NRG2: variants seen among roughly 807,000 people sequenced by gnomAD.
NRG2 encodes pro-neuregulin-2, membrane-bound isoform.
NRG2 carries 27 observed loss-of-function variants against 73.9 expected under a neutral mutation model. The ratio of observed to expected loss-of-function variants is 0.37; its 90% CI spans 0.27 to 0.50. NRG2 has a LOEUF of 0.50. NRG2 is among the 20% of genes least tolerant of loss of function. NRG2 has a pLI of 0.96. For synonymous variants in NRG2, 532 were observed against 541.0 expected (o/e 0.98, Z 0.23); for missense variants, 1,126 against 1,210.1 (o/e 0.93, Z 1.03).
rs1761575868 is a variant in NRG2 at position 139,853,139 on chromosome 5, G to A, written c.1293-112C>T. On this transcript the variant is annotated intron_variant, in intron 6 of 9. Coordinates refer to ENST00000361474, the MANE Select transcript of NRG2 (RefSeq NM_004883.3). The surrounding 1 kb of genome is among the most constrained non-coding windows in gnomAD (Gnocchi z 4.1). ...TTTCCTCCTGCCCAGGGTGGCCATG[G>A]CTACTGCTCGTCCCTGTACTCAAGC... 1 of 1,434,454 alleles carries A rather than the reference G, an allele frequency of 7.0e-7. No individual in the cohort carries two copies. Among genetic ancestry groups the A allele is most frequent in the Admixed American group, 1.9e-5 (1 of 51,642 alleles). The allele number at this position is 1,434,454 out of a possible 1,614,324, so 88.9% of individuals were successfully genotyped here.
Position 139,880,890 on chromosome 5 carries a change from C to T in NRG2, c.957G>A (p.Lys319=). 1 of 1,614,184 alleles carries T rather than the reference C, an allele frequency of 6.2e-7. No individual in the cohort carries two copies. The highest frequency in any genetic ancestry group is 8.5e-7 in the Non-Finnish European group (1 of 1,180,000). Residue 319 remains lysine, a synonymous_variant, in exon 3 of 10, where the codon AAG becomes AAA. Transcript: ENST00000361474. The part of the protein sequence containing the change: ...YVCEAENILG[K]DTVRGRLYVN... Reference sequence around the variant, plus strand: ...CGTAAAGCCGGCCCCGGACGGTGTCCTTCCCCAGGATGTTCTCGGCCTCGC... The same window carrying T: ...CGTAAAGCCGGCCCCGGACGGTGTCTTTCCCCAGGATGTTCTCGGCCTCGC...
At position 139,925,798 on chromosome 5, in the gene NRG2, T is replaced by C. The variant is rs374208835; in HGVS notation, c.701-38287A>G. Among the ~76,000 whole-genome samples the C allele has an allele frequency of 1.6e-4, 25 of 152,232 alleles. 1 individual carries two copies. In the South Asian group the frequency reaches 5.2e-3, roughly 32 times the overall value. On this transcript the variant is annotated intron_variant, in intron 1 of 9. Transcript: ENST00000361474. Reference sequence around the variant, plus strand: ...GAGGACCCCTGCAGGGATGGGGAGCTTGAAGGAAGATGTTGGCACTCTTTT... The same window carrying C: ...GAGGACCCCTGCAGGGATGGGGAGCCTGAAGGAAGATGTTGGCACTCTTTT...
intron 4 of NRG2, among the ~76,000 whole-genome samples, chr5:139,871,371 GA>G (rs1762840214): frequency 6.6e-6 from 1 of 152,184 alleles, no homozygotes; most frequent in Non-Finnish European, 1.5e-5. Flanking sequence ...GGGGGAAAGA[GA>G]GACTGAGGGA....
intron 1 of NRG2, among the ~76,000 whole-genome samples, chr5:140,002,215 G>A (rs1745816138): frequency 6.6e-6 from 1 of 152,082 alleles, no homozygotes; most frequent in Non-Finnish European, 1.5e-5. Context: ...ATAAATATTA[G>A]AGCTGTGACA....
intron 1 of NRG2, among the ~76,000 whole-genome samples, chr5:139,913,301 G>A (rs1013513661): frequency 5.3e-5 from 8 of 152,186 alleles, no homozygotes; most frequent in Admixed American, 2.0e-4. Context: ...CAGTCACTGA[G>A]GCTTCTGATG....
chr5:139,927,027 A>C lies in NRG2; in HGVS notation c.701-39516T>G, dbSNP rs143959882. 4.0e-3 allele frequency among the ~76,000 whole-genome samples: 613 copies of C among 152,324 alleles called. 3 individuals are homozygous for C. Among genetic ancestry groups the C allele is most frequent in the African/African-American group, 0.014 (602 of 41,572 alleles). On this transcript the variant is annotated intron_variant, in intron 1 of 9. Coordinates refer to ENST00000361474, the MANE Select transcript of NRG2 (RefSeq NM_004883.3). The stretch of plus-strand genomic sequence containing the variant: ...ACCTTCTGTGACCATGGAAGGAAGA[A>C]AGGCTGCCTGGCTCCTACAGGGAAG...
intron 1 of NRG2, among the ~76,000 whole-genome samples, chr5:140,033,101 C>G (rs1400086257): frequency 6.6e-6 from 1 of 152,180 alleles, no homozygotes; most frequent in Non-Finnish European, 1.5e-5. Flanking sequence ...TCACCTGTTA[C>G]ATGATCACAT....
At chr5:139,878,078 C>A (rs959846341) in intron 3 of NRG2, among the ~76,000 whole-genome samples, 1 of 152,244 alleles carries the variant, frequency 6.6e-6, no homozygotes, top group Non-Finnish European at 1.5e-5. Flanking sequence ...AGGGGTCTCA[C>A]CACCTCTGGC....
intron 1 of NRG2, among the ~76,000 whole-genome samples, chr5:139,937,497 A>G (rs750758132): frequency 6.6e-6 from 1 of 152,214 alleles, no homozygotes; most frequent in Non-Finnish European, 1.5e-5. Context: ...TACAGATTGG[A>G]AAAGAAGTAA....
In NRG2 at chr5:139,980,349, C is replaced by CAAA. The variant is rs10630492; in HGVS notation, c.700+62018_700+62020dup. Among the ~76,000 whole-genome samples, 1,223 of 140,024 alleles carry CAAA rather than the reference C, an allele frequency of 8.7e-3. 14 individuals carry two copies. Among genetic ancestry groups the CAAA allele is most frequent in the African/African-American group, 0.028 (1,083 of 38,872 alleles). 91.9% of individuals were successfully genotyped at this position (140,024 alleles called of 152,430 possible). A position where few individuals can be genotyped will look rare whatever the true frequency, so the allele number is the denominator to read the frequency against. Reference sequence around the variant, plus strand: ...ATTCACAGGATGTTCACAGCATCACCAAAAAAAAAAAAAAATCTTCACTGT... The same window carrying CAAA: ...ATTCACAGGATGTTCACAGCATCACCAAAAAAAAAAAAAAAAAATCTTCACTGT... On this transcript the variant is annotated intron_variant, in intron 1 of 9. Transcript: ENST00000361474.
intron 1 of NRG2, among the ~76,000 whole-genome samples, chr5:139,895,179 A>G (rs1026090270): frequency 1.3e-5 from 2 of 152,240 alleles, no homozygotes; most frequent in Non-Finnish European, 2.9e-5. Flanking sequence ...GGACAACACT[A>G]TTCCCACCCA....
chr5:140,039,528 T>A (rs1761755607), intron 1 of NRG2, among the ~76,000 whole-genome samples: 1 of 152,210 alleles, frequency 6.6e-6, no homozygotes, highest in African/African-American at 2.4e-5. Flanking sequence ...GAAAGACCCC[T>A]GTCTACCTTT....
chr5:140,027,371 C>A (rs34566928), intron 1 of NRG2, among the ~76,000 whole-genome samples: 12,442 of 152,238 alleles, frequency 0.082, 566 homozygotes, highest in South Asian at 0.1. Flanking sequence ...TATCCCACTG[C>A]AGCTTCAGAG....
At chr5:139,882,394 A>G (rs1293225076) in intron 2 of NRG2, among the ~76,000 whole-genome samples, 1 of 152,194 alleles carries the variant, frequency 6.6e-6, no homozygotes, top group Non-Finnish European at 1.5e-5. Flanking sequence ...GGTCTTGTCT[A>G]TAGACCCTAT....
intron 1 of NRG2, among the ~76,000 whole-genome samples, chr5:139,974,974 C>T (rs565131352): frequency 3.1e-4 from 47 of 152,368 alleles, no homozygotes; most frequent in African/African-American, 1.0e-3. Context: ...GTAGGCCATG[C>T]GCCCCCTGTG....
At chr5:139,953,984 C>G (rs1754427472) in intron 1 of NRG2, among the ~76,000 whole-genome samples, 1 of 151,962 alleles carries the variant, frequency 6.6e-6, no homozygotes, top group South Asian at 2.1e-4. Flanking sequence ...ACTGGAAACC[C>G]GAAGAGAACC....
intron 1 of NRG2, among the ~76,000 whole-genome samples, chr5:139,917,931 C>T (rs925792222): frequency 1.3e-5 from 2 of 152,058 alleles, no homozygotes; most frequent in African/African-American, 4.8e-5. Context: ...TGTTGTTGCT[C>T]ATGCTTATGG....
intron 1 of NRG2, among the ~76,000 whole-genome samples, chr5:140,031,260 G>A (rs1761125567): frequency 6.6e-6 from 1 of 152,210 alleles, no homozygotes; most frequent in Non-Finnish European, 1.5e-5. Context: ...GAAGCCAGGT[G>A]GGATGAAGTG....
intron 1 of NRG2, among the ~76,000 whole-genome samples, chr5:139,960,427 A>C (rs1166344435): frequency 6.6e-6 from 1 of 152,190 alleles, no homozygotes; most frequent in African/African-American, 2.4e-5. Flanking sequence ...AGGCAGGAGA[A>C]TCGCTGAAAC....
Sources: allele counts gnomAD v4.1 joint callset (sites outside exome capture counted in the v4.1 genomes callset), GRCh38; gene constraint gnomAD v4.1.1; non-coding constraint Gnocchi (gnomAD v3.1); transcripts MANE v1.5; gene names NCBI Gene and HGNC (gene_info 2026-07-23, HGNC 2026-07-21).